The following PDCD1LG2 variants were observed in gnomAD, a reference collection of about 807,000 sequenced individuals.
The protein encoded by PDCD1LG2 is B7 dendritic cell molecule.
In PDCD1LG2, 32 loss-of-function variants were observed where a neutral mutation model predicts 28.2. That is an observed-to-expected ratio of 1.13 (90% CI 0.86 to 1.52). The LOEUF (loss-of-function observed/expected upper bound fraction) is 1.52. Ranked by LOEUF, PDCD1LG2 falls within the 40% of genes most tolerant of loss-of-function variation. The pLI is 0.00. For synonymous variants in PDCD1LG2, 116 were observed against 120.2 expected, an observed-to-expected ratio of 0.97 and a Z score of 0.23; for missense variants, 385 against 323.8, an observed-to-expected ratio of 1.19 and a Z score of -1.45.
intron 1 of PDCD1LG2, among the ~76,000 whole-genome samples, chr9:5,517,178 G>T (rs1820183099): frequency 6.6e-6 from 1 of 152,242 alleles, no homozygotes; most frequent in Non-Finnish European, 1.5e-5. Flanking sequence ...AGGATTGTTG[G>T]GAATGCTGGG....
intron 2 of PDCD1LG2, among the ~76,000 whole-genome samples, chr9:5,530,380 T>C (rs1429664078): frequency 3.9e-5 from 6 of 151,924 alleles, no homozygotes; most frequent in Admixed American, 1.3e-4. Context: ...CTTTGTCTAA[T>C]ACCTTCAGGA....
chr9:5,522,654 T>C (rs555687964), intron 2 of PDCD1LG2, 53 bp downstream of exon 2: 92 of 1,547,390 alleles, frequency 5.9e-5, no homozygotes, highest in Admixed American at 3.4e-4. Context: ...TGGTGGTTCC[T>C]AGCCAAAGCC....
chr9:5,522,613 C>T lies in PDCD1LG2; in HGVS notation c.55+12C>T, dbSNP rs774273684. ...TCACCAGATAGCAGGTAAGAAAGGA[C>T]AAAGGGAGAGGCTTAAGAAAGAAGA... On this transcript the variant is annotated intron_variant, in intron 2 of 6. Transcript: ENST00000397747. 6.2e-7 allele frequency: 1 copy of T among 1,612,088 alleles called. No individual in the cohort carries two copies. The highest frequency in any genetic ancestry group is 1.1e-5 in the South Asian group (1 of 90,918).
chr9:5,563,356 C>T (rs1816604197), intron 6 of PDCD1LG2, 145 bp downstream of exon 6: 3 of 739,802 alleles, frequency 4.1e-6, no homozygotes, highest in South Asian at 3.8e-5. Flanking sequence ...AGCATTTCAG[C>T]GAAGCCTCGT....
chr9:5,511,491 G>T (rs1820057256), intron 1 of PDCD1LG2, among the ~76,000 whole-genome samples: 1 of 152,196 alleles, frequency 6.6e-6, no homozygotes, highest in South Asian at 2.1e-4. Flanking sequence ...AGGTGGAGAG[G>T]CTAAGCCTGA....
At chr9:5,512,117 T>C (rs1027287574) in intron 1 of PDCD1LG2, among the ~76,000 whole-genome samples, 9 of 152,236 alleles carry the variant, frequency 5.9e-5, no homozygotes, top group African/African-American at 1.7e-4. Context: ...TTACAATACA[T>C]TGGACAGCAA....
At chr9:5,567,513 T>A (rs1160591349) in intron 6 of PDCD1LG2, among the ~76,000 whole-genome samples, 1 of 152,354 alleles carries the variant, frequency 6.6e-6, no homozygotes, top group East Asian at 1.9e-4. Flanking sequence ...TAGATATATA[T>A]CATCTATCCT....
chr9:5,537,027 G>T (rs1171361028), intron 3 of PDCD1LG2, among the ~76,000 whole-genome samples: 2 of 152,152 alleles, frequency 1.3e-5, no homozygotes, highest in Non-Finnish European at 2.9e-5. Flanking sequence ...GACACCTGAT[G>T]GAACTGTTAT....
intron 3 of PDCD1LG2, among the ~76,000 whole-genome samples, chr9:5,543,249 C>G (rs111385255): frequency 1.1e-4 from 17 of 152,096 alleles, no homozygotes; most frequent in African/African-American, 3.6e-4. Context: ...ATAAAAAACT[C>G]CACATTTGGG....
chr9:5,533,507 T>A (rs1199888025), intron 2 of PDCD1LG2, among the ~76,000 whole-genome samples: 2 of 152,228 alleles, frequency 1.3e-5, no homozygotes, highest in Non-Finnish European at 2.9e-5. Context: ...TACTGTTATC[T>A]ACCCGGAAGC....
chr9:5,526,002 A>T (rs192694142), intron 2 of PDCD1LG2, among the ~76,000 whole-genome samples: 2 of 149,842 alleles, frequency 1.3e-5, no homozygotes, highest in South Asian at 2.1e-4. Flanking sequence ...AGCCAAGATC[A>T]CGCCACTGCA....
rs1201182952 is a variant in PDCD1LG2, at chr9:5,534,914, G to C, written c.225G>C (p.Leu75Phe). 1 of 1,614,160 alleles carries C rather than the reference G, an allele frequency of 6.2e-7. No homozygotes were observed. The highest frequency in any genetic ancestry group is 2.2e-5 in the East Asian group (1 of 44,880). The change falls in exon 3 of 7, where the codon TTG becomes TTC. Residue 75 changes from leucine (L) to phenylalanine (F), a missense_variant. Leu to Phe is a conservative substitution (Grantham distance 22). Coordinates refer to ENST00000397747, the MANE Select transcript of PDCD1LG2 (RefSeq NM_025239.4). The part of the protein sequence containing the change: ...DTSPHRERAT[L>F]LEEQLPLGKA... ...CCCCACACCGTGAAAGAGCCACTTT[G>C]CTGGAGGAGCAGCTGCCCCTAGGGA...
At chr9:5,523,126 A>G (rs1820308350) in intron 2 of PDCD1LG2, among the ~76,000 whole-genome samples, 1 of 152,216 alleles carries the variant, frequency 6.6e-6, no homozygotes. Context: ...GAGTCTTCCT[A>G]AAACCCAAAT....
At chr9:5,526,200 A>G (rs1256279209) in intron 2 of PDCD1LG2, among the ~76,000 whole-genome samples, 3 of 152,196 alleles carry the variant, frequency 2.0e-5, no homozygotes, top group African/African-American at 7.2e-5. Context: ...AATTAAATAT[A>G]TTTTGAAAAT....
rs1820293513 is a variant in PDCD1LG2, at chr9:5,522,454, C to T, written c.-14-79C>T. On this transcript the variant is annotated intron_variant, in intron 1 of 6. Coordinates refer to ENST00000397747, the MANE Select transcript of PDCD1LG2 (RefSeq NM_025239.4). ...CTTCCCCAAATGATTTGTTATTCCC[C>T]TGTTTTCAAAAGTGAACAAAGAACC... 3.7e-6 allele frequency: 4 copies of T among 1,077,442 alleles called. No homozygotes were observed. The South Asian group carries it at 5.7e-5, about 15-fold the overall frequency. 66.7% of individuals were successfully genotyped at this position (1,077,442 alleles called of 1,614,324 possible).
intron 6 of PDCD1LG2, 88 bp downstream of exon 6, chr9:5,563,299 T>C (rs1816602618): frequency 3.1e-5 from 36 of 1,150,702 alleles, no homozygotes; most frequent in South Asian, 1.6e-4. Flanking sequence ...TATTAATTCA[T>C]GGAAGGCAAC....
chr9:5,549,080 T>A (rs12237624), intron 3 of PDCD1LG2, among the ~76,000 whole-genome samples: 11 of 152,320 alleles, frequency 7.2e-5, no homozygotes, highest in Non-Finnish European at 1.3e-4. Context: ...AACACTCAAC[T>A]TCTCTATCTT....
chr9:5,556,163 T>C (rs1439083802), intron 4 of PDCD1LG2, among the ~76,000 whole-genome samples: 1 of 152,046 alleles, frequency 6.6e-6, no homozygotes, highest in African/African-American at 2.4e-5. Flanking sequence ...CAGGGATGAG[T>C]AGGGCTTCTG....
chr9:5,528,566 A>C, intron 2 of PDCD1LG2, among the ~76,000 whole-genome samples: 1 of 151,806 alleles, frequency 6.6e-6, no homozygotes. Context: ...CAGCCTCCCA[A>C]AATGCTGGGA....
Sources: allele counts gnomAD v4.1 joint callset (sites outside exome capture counted in the v4.1 genomes callset), GRCh38; gene constraint gnomAD v4.1.1; transcripts MANE v1.5; gene names NCBI Gene and HGNC (gene_info 2026-07-23, HGNC 2026-07-21).